CD33: variants seen among roughly 807,000 people sequenced by gnomAD.
CD33 encodes CD33 molecule.
Under a neutral mutation model 31.4 loss-of-function variants are expected in CD33, and 25 were observed. The observed-to-expected ratio is 0.80, with a 90% CI of 0.58 to 1.11. CD33 has a LOEUF of 1.11. Among genes scored for constraint, CD33 ranks in the 50% most tolerant of loss-of-function variants. The pLI is 0.00. For synonymous variants in CD33, 176 were observed against 180.6 expected, an observed-to-expected ratio of 0.97 and a Z score of 0.20; for missense variants, 407 against 448.1, an observed-to-expected ratio of 0.91 and a Z score of 0.83.
chr19:51,219,874 C>A, the CD33 span, among the ~76,000 whole-genome samples: 7 of 152,174 alleles, frequency 4.6e-5, no homozygotes, highest in African/African-American at 1.7e-4. Context: ...TGGAATAAAG[C>A]CTACTTGATC....
At chr19:51,222,662 G>A (rs573194537), upstream of CD33, among the ~76,000 whole-genome samples, 11 of 152,234 alleles carry the variant, frequency 7.2e-5, no homozygotes, top group South Asian at 2.3e-3. Context: ...AACTCACAAT[G>A]AAAGAGGACA....
chr19:51,229,400 C>A lies in CD33; in HGVS notation c.745+3044C>A, dbSNP rs148343642. ...GATTTTGGTGTCATGGTTATGCTGG[C>A]CTTGTAGAATGAGTTAGGAAGAGTT... On this transcript the variant is annotated intron_variant, in intron 4 of 6. Transcript: ENST00000262262. 5.1e-4 allele frequency among the ~76,000 whole-genome samples: 77 copies of A among 152,072 alleles called. 1 individual carries two copies. The highest frequency in any genetic ancestry group is 1.6e-3 in the African/African-American group (67 of 41,480).
chr19:51,211,626 T>C, the CD33 span: 1 of 1,393,792 alleles, frequency 7.2e-7, no homozygotes, highest in Non-Finnish European at 9.8e-7. Flanking sequence ...CAAGGGAAGG[T>C]CAAAGGGACC....
the CD33 span, among the ~76,000 whole-genome samples, chr19:51,216,651 T>C: frequency 6.8e-6 from 1 of 146,710 alleles, no homozygotes; most frequent in African/African-American, 2.5e-5. Context: ...GAGGTTGCAG[T>C]GCGAGACTCT....
rs144242347 is a variant in CD33 at position 51,236,107 on chromosome 19, G to A, written c.924+431G>A. ...CGGGAGGCAGAGCTTGTAGTGAGCC[G>A]ACATAGCACCACTGCACTCCAGCCT... On this transcript the variant is annotated intron_variant, in intron 6 of 6. Coordinates refer to ENST00000262262, the MANE Select transcript of CD33 (RefSeq NM_001772.4). 810 of 454,940 alleles carry A rather than the reference G, an allele frequency of 1.8e-3. 13 individuals carry two copies. In the East Asian group the frequency reaches 0.033, roughly 18 times the overall value. 28.2% of individuals were successfully genotyped at this position (454,940 alleles called of 1,614,324 possible).
At chr19:51,216,802 T>C in the CD33 span, among the ~76,000 whole-genome samples, 8 of 152,172 alleles carry the variant, frequency 5.3e-5, no homozygotes, top group Non-Finnish European at 8.8e-5. Context: ...TAAGATATAC[T>C]GGGGAACCAT....
chr19:51,211,161 G>T, the CD33 span: 2 of 1,596,976 alleles, frequency 1.3e-6, no homozygotes, highest in East Asian at 2.2e-5. Context: ...TGGCTGCGGG[G>T]AGAGGGGTTG....
chr19:51,227,037 G>A (rs554691549), intron 4 of CD33, among the ~76,000 whole-genome samples: 53 of 151,828 alleles, frequency 3.5e-4, no homozygotes, highest in Non-Finnish European at 6.5e-4. Context: ...ATGTTATAGT[G>A]AATAACAAGA....
chr19:51,212,655 C>T, the CD33 span, among the ~76,000 whole-genome samples: 3 of 152,274 alleles, frequency 2.0e-5, no homozygotes, highest in African/African-American at 7.2e-5. Context: ...CCTCCTGCCT[C>T]CTCTTTCTAT....
chr19:51,236,002 CA>C (rs1163876218), intron 6 of CD33: 3 of 595,192 alleles, frequency 5.0e-6, no homozygotes, highest in Middle Eastern at 4.6e-4. Flanking sequence ...ACTAAAAATA[CA>C]AAAAATTAGC....
chr19:51,217,406 GTTGTT>G, the CD33 span, among the ~76,000 whole-genome samples: 1 of 151,016 alleles, frequency 6.6e-6, no homozygotes, highest in African/African-American at 2.4e-5. Context: ...TGTTGTTGTT[GTTGTT>G]TTGTTTTTTT....
intron 4 of CD33, among the ~76,000 whole-genome samples, chr19:51,228,276 T>A (rs1981173262): frequency 6.6e-6 from 1 of 152,226 alleles, no homozygotes; most frequent in South Asian, 2.1e-4. Flanking sequence ...ATTTTAAGAT[T>A]GTTTCCTCTA....
At chr19:51,232,986 C>T (rs1981526389) in intron 4 of CD33, among the ~76,000 whole-genome samples, 1 of 152,194 alleles carries the variant, frequency 6.6e-6, no homozygotes, top group Non-Finnish European at 1.5e-5. Flanking sequence ...TGTAAGACTG[C>T]TCAGCTGGCC....
chr19:51,235,097 G>A (rs914133575), intron 4 of CD33, 60 bp from the exon 5 acceptor site: 2 of 1,373,282 alleles, frequency 1.5e-6, no homozygotes, highest in Non-Finnish European at 2.1e-6. Flanking sequence ...TGCTGGAGAG[G>A]AGGATACACA....
chr19:51,217,553 G>A, the CD33 span, among the ~76,000 whole-genome samples: 1 of 152,016 alleles, frequency 6.6e-6, no homozygotes, highest in Non-Finnish European at 1.5e-5. Flanking sequence ...AGGATTACAG[G>A]CGCTTGCCAC....
the CD33 span, chr19:51,211,992 G>C: frequency 2.6e-5 from 29 of 1,124,922 alleles, no homozygotes; most frequent in Middle Eastern, 2.0e-4. Flanking sequence ...CCAGGACCAC[G>C]GCACCAACCT....
Position 51,239,704 on chromosome 19 carries a change from A to T in CD33, c.*16A>T. ...GACCCAGTGAGGAACCCACAAGAGC[A>T]TCAGGCTCAGCTAGAAGATCCACAT... On this transcript the variant is annotated 3_prime_UTR_variant, in exon 7 of 7. Coordinates refer to ENST00000262262, the MANE Select transcript of CD33 (RefSeq NM_001772.4). 1 of 1,598,914 alleles carries T rather than the reference A, an allele frequency of 6.3e-7. No individual in the cohort carries two copies. The highest frequency in any genetic ancestry group is 8.5e-7 in the Non-Finnish European group (1 of 1,172,986).
At chr19:51,236,075 A>G (rs1029564488) in intron 6 of CD33, 13 of 504,504 alleles carry the variant, frequency 2.6e-5, no homozygotes, top group Non-Finnish European at 4.3e-5. Context: ...GGAGAATGGT[A>G]TGAACCCGGG....
At chr19:51,211,516 T>C in the CD33 span, 1 of 1,537,262 alleles carries the variant, frequency 6.5e-7, no homozygotes, top group South Asian at 1.3e-5. Context: ...TAATCGTTCA[T>C]ACTTCTTTCG....
Sources: allele counts gnomAD v4.1 joint callset (sites outside exome capture counted in the v4.1 genomes callset), GRCh38; gene constraint gnomAD v4.1.1; transcripts MANE v1.5; gene names NCBI Gene and HGNC (gene_info 2026-07-23, HGNC 2026-07-21).